Variants in ERCC2 observed in about 807,000 individuals in gnomAD.
The protein encoded by ERCC2 is ERCC excision repair 2, TFIIH core complex helicase subunit.
A neutral mutation model predicts 99.4 loss-of-function variants in ERCC2; 90 were observed. The ratio of observed to expected loss-of-function variants is 0.91; its 90% confidence interval spans 0.76 to 1.08. The LOEUF is 1.08. Among genes scored for constraint, ERCC2 ranks in the 50% least tolerant of loss-of-function variants. The pLI is 0.00. For missense variants in ERCC2, 993 were observed against 1,038.1 expected (o/e 0.96, Z 0.60); for synonymous variants, 497 against 432.4 (o/e 1.15, Z -1.85).
chr19:45,352,915 G>T, intron 19 of ERCC2, 99 bp from the exon 20 acceptor site: 1 of 1,288,134 alleles, frequency 7.8e-7, no homozygotes, highest in East Asian at 2.4e-5. Flanking sequence ...GAGTTGGGGG[G>T]AGAGGGTGTG....
intron 20 of ERCC2, 24 bp downstream of exon 20, chr19:45,352,722 T>C (rs759650030): frequency 5.6e-6 from 9 of 1,613,566 alleles, no homozygotes; most frequent in Non-Finnish European, 7.6e-6. Context: ...ACTGTGGGAC[T>C]CCCTGGGAGA....
Position 45,350,261 on chromosome 19 carries a change from A to G in ERCC2, c.*1368T>C. 1 of 215,942 alleles carries G rather than the reference A, an allele frequency of 4.6e-6. No individual in the cohort carries two copies. The highest frequency in any genetic ancestry group is 1.2e-4 in the Admixed American group (1 of 8,378). 13.4% of individuals were successfully genotyped at this position (215,942 alleles called of 1,614,324 possible). On this transcript the variant is annotated 3_prime_UTR_variant, in exon 23 of 23. Coordinates refer to ENST00000391945, the MANE Select transcript of ERCC2 (RefSeq NM_000400.4). ...ACATACCAAGACCCCTGTCTCTACA[A>G]AAAAAAAAAAAAAGGCGGGACTGGA...
chr19:45,368,604 G>C, intron 5 of ERCC2, 26 bp downstream of exon 5: 1 of 1,476,142 alleles, frequency 6.8e-7, no homozygotes, highest in African/African-American at 1.4e-5. Context: ...CTGGGCTAAG[G>C]GCAAGGAGAA....
intron 18 of ERCC2, 23 bp from the exon 19 acceptor site, chr19:45,353,178 C>G: frequency 1.2e-6 from 2 of 1,613,798 alleles, no homozygotes; most frequent in Non-Finnish European, 1.7e-6. Context: ...GACCGAGACG[C>G]AAGTTAGGTC....
At chr19:45,365,799 A>G (rs1972407308) in intron 5 of ERCC2, among the ~76,000 whole-genome samples, 1 of 152,078 alleles carries the variant, frequency 6.6e-6, no homozygotes, top group Non-Finnish European at 1.5e-5. Flanking sequence ...TCAAAAAAAA[A>G]AAGAGTAGCA....
rs772572683 is a variant in ERCC2, at chr19:45,355,676, C to T, written c.1532G>A (p.Arg511Gln). ...CACTGGCAGCATACCAATATCCTCC[C>T]GGGTCTCAAATTTGGAGCTGATGGC... ...QVAISSKFET[R>Q]EDIAVIRNYG... is the part of the protein sequence containing the mutation. The change falls in exon 16 of 23, where the codon CGG becomes CAG. Residue 511 changes from arginine (R) to glutamine (Q), a missense_variant. Around this residue, in one of 3 missense-constraint regions of ERCC2, gnomAD observed 909 missense variants for 930.8 expected, o/e 0.98. Transcript: ENST00000391945. 14 of 1,614,154 alleles carry T rather than the reference C, an allele frequency of 8.7e-6. No homozygotes were observed. Among genetic ancestry groups the T allele is most frequent in the Non-Finnish European group, 1.2e-5 (14 of 1,179,968 alleles).
At chr19:45,367,067 G>T (rs562134589) in intron 5 of ERCC2, among the ~76,000 whole-genome samples, 9 of 152,022 alleles carry the variant, frequency 5.9e-5, no homozygotes, top group Admixed American at 4.6e-4. Context: ...GGCTGGGCAC[G>T]ATGGCTCATG....
chr19:45,358,956 G>A (rs750500375), intron 12 of ERCC2: 40 of 747,440 alleles, frequency 5.4e-5, no homozygotes, highest in Admixed American at 1.1e-4. Context: ...TTACATATTC[G>A]GTTTCACACA....
At chr19:45,363,664 G>A in intron 11 of ERCC2, 79 bp downstream of exon 11, 2 of 1,432,096 alleles carry the variant, frequency 1.4e-6, no homozygotes, top group Non-Finnish European at 9.3e-7. Flanking sequence ...GGTGACCTGG[G>A]GCTACAGGCG....
Position 45,351,221 on chromosome 19 carries a change from C to A in ERCC2, c.*408G>T. 6.3e-7 allele frequency: 1 copy of A among 1,591,382 alleles called. No individual in the cohort carries two copies. The highest frequency in any genetic ancestry group is 8.6e-7 in the Non-Finnish European group (1 of 1,168,798). Reference sequence around the variant, plus strand: ...GTTGGCTGCCAGGCTGGACCTGGAGCTGGAGGGTGGATGTAACACTTGCCC... The same window carrying A: ...GTTGGCTGCCAGGCTGGACCTGGAGATGGAGGGTGGATGTAACACTTGCCC... On this transcript the variant is annotated 3_prime_UTR_variant, in exon 23 of 23. Transcript: ENST00000391945.
At position 45,364,887 on chromosome 19, in the gene ERCC2, G is replaced by A. The variant is rs142936491; in HGVS notation, c.545C>T (p.Ala182Val). 6.0e-4 allele frequency: 973 copies of A among 1,614,142 alleles called. 2 individuals are homozygous for A. The highest frequency in any genetic ancestry group is 2.8e-3 in the South Asian group (258 of 91,080). The change falls in exon 7 of 23, where the codon GCC (alanine) becomes GTC (valine). Residue 182 changes from alanine to valine, a missense_variant. Ala to Val is a moderately conservative substitution (Grantham distance 64). Transcript: ENST00000391945. ...GCACCAGCCCTGGCGCCGCCCCAGG[G>A]CCTTCAGGTCATCCAGGTTGTAGAT... ...AGIYNLDDLK[A>V]LGRRQGWCPY...
intron 22 of ERCC2, 24 bp from the exon 23 acceptor site, chr19:45,351,745 GA>G (rs1331468923): frequency 4.3e-6 from 7 of 1,610,328 alleles, no homozygotes; most frequent in Non-Finnish European, 5.1e-6. Flanking sequence ...AGGAAAGGGA[GA>G]GGGGGGCACT....
At chr19:45,355,634 C>G (rs200815258) in intron 16 of ERCC2, 31 bp downstream of exon 16, 44 of 1,600,202 alleles carry the variant, frequency 2.7e-5, no homozygotes, top group Non-Finnish European at 3.8e-5. Context: ...CCTCTTGGAA[C>G]CCACAGAAAC....
rs375243876 is a variant in ERCC2, at chr19:45,350,637, C to T, written c.*992G>A. 2 of 1,613,330 alleles carry T rather than the reference C, an allele frequency of 1.2e-6. No homozygotes were observed. Among genetic ancestry groups the T allele is most frequent in the Non-Finnish European group, 1.7e-6 (2 of 1,179,532 alleles). ...ACTGAGCAGCATCCCCGGCCCCTCCCCAGGCCCTTCGCCGCAGCAGCTCAC... is the reference window on the plus strand; with the variant it reads ...ACTGAGCAGCATCCCCGGCCCCTCCTCAGGCCCTTCGCCGCAGCAGCTCAC... On this transcript the variant is annotated 3_prime_UTR_variant, in exon 23 of 23. Transcript: ENST00000391945.
chr19:45,350,846 C>CCAT lies in ERCC2; in HGVS notation c.*780_*782dup. ...CTTGCTCAAGAACCTTCCATGGCTC[C>CCAT]CATCTCCCCTGTGATACACACAGAT... On this transcript the variant is annotated 3_prime_UTR_variant, in exon 23 of 23. Coordinates refer to ENST00000391945, the MANE Select transcript of ERCC2 (RefSeq NM_000400.4). 1 of 1,400,780 alleles carries CCAT rather than the reference C, an allele frequency of 7.1e-7. No homozygotes were observed. The highest frequency in any genetic ancestry group is 1.0e-6 in the Non-Finnish European group (1 of 999,256). 86.8% of individuals were successfully genotyped at this position (1,400,780 alleles called of 1,614,324 possible). A position where few individuals can be genotyped will look rare whatever the true frequency, so the allele number is the denominator to read the frequency against.
Position 45,365,129 on chromosome 19 carries a change from G to A in ERCC2, c.390C>T (p.Val130=), listed in dbSNP as rs757159764. The A allele has an allele frequency of 7.4e-6, 12 of 1,614,024 alleles. No individual in the cohort carries two copies. The highest frequency in any genetic ancestry group is 5.0e-5 in the Admixed American group (3 of 59,988). The change falls in exon 6 of 23, where the codon GTC becomes GTT. Residue 130 remains valine, a synonymous_variant. Coordinates refer to ENST00000391945, the MANE Select transcript of ERCC2 (RefSeq NM_000400.4). ...CTGTGAGGCTGTGGCATTTCCCATC[G>A]ACGTCCTTCCCAAAGCGCAGGGGTG... is the stretch of plus-strand genomic sequence containing the variant. ...EVTPLRFGKD[V]DGKCHSLTAS...
chr19:45,351,132 A>G lies in ERCC2; in HGVS notation c.*497T>C. 6.2e-7 allele frequency: 1 copy of G among 1,603,064 alleles called. No individual in the cohort carries two copies. The highest frequency in any genetic ancestry group is 8.5e-7 in the Non-Finnish European group (1 of 1,174,342). Reference sequence around the variant, plus strand: ...AGTCAGCAGGTGGTGGGTTGGTGTCAGAAGAGACCCAGGACAGGAGCAAAG... The same window carrying G: ...AGTCAGCAGGTGGTGGGTTGGTGTCGGAAGAGACCCAGGACAGGAGCAAAG... On this transcript the variant is annotated 3_prime_UTR_variant, in exon 23 of 23. Coordinates refer to ENST00000391945, the MANE Select transcript of ERCC2 (RefSeq NM_000400.4).
chr19:45,363,662 G>A (rs1177199541), intron 11 of ERCC2, 81 bp downstream of exon 11: 2 of 1,425,748 alleles, frequency 1.4e-6, no homozygotes, highest in Non-Finnish European at 1.9e-6. Context: ...GTGGTGACCT[G>A]GGGCTACAGG....
At position 45,363,858 on chromosome 19, in the gene ERCC2, G is replaced by C. The variant is rs754447250; in HGVS notation, c.1003C>G (p.Arg335Gly). 4 of 1,550,992 alleles carry C rather than the reference G, an allele frequency of 2.6e-6. No individual in the cohort carries two copies. In the East Asian group the frequency reaches 9.6e-5, roughly 37 times the overall value. ...TAEHFLGFLR[R>G]LLEYVKWRLR... is the part of the protein sequence containing the mutation. ...CGCCACTTCACGTACTCCAGCAGCC[G>C]CCTCAGGAAGCCCAGGAAATGCTCG... Residue 335 changes from arginine to glycine, a missense_variant, in exon 11 of 23, where the codon CGG becomes GGG. This residue lies in a region of ERCC2 where 909 missense variants were observed against 930.8 expected (regional missense o/e 0.98). Coordinates refer to ENST00000391945, the MANE Select transcript of ERCC2 (RefSeq NM_000400.4).
Sources: gnomAD v4.1 joint callset for allele counts (sites outside exome capture counted in the v4.1 genomes callset) on GRCh38, gnomAD v4.1.1 for gene constraint, gnomAD v4.1.1 regional missense constraint, MANE v1.5 for transcripts, NCBI Gene and HGNC (gene_info 2026-07-23, HGNC 2026-07-21) for gene names.